PAGE5: variants seen among roughly 807,000 people sequenced by gnomAD.
The protein encoded by PAGE5 is P antigen family member 5.
PAGE5 carries 8 observed loss-of-function variants against 8.1 expected under a neutral mutation model. The observed-to-expected ratio is 0.98, with a 90% confidence interval of 0.58 to 1.77. The LOEUF (loss-of-function observed/expected upper bound fraction) is 1.77, where lower values mean the gene tolerates loss of function less well. Among genes scored for constraint, PAGE5 ranks in the 40% most tolerant of loss-of-function variants. PAGE5 has a pLI of 0.00. For missense variants in PAGE5, 64 were observed against 77.6 expected (o/e 0.82, Z 0.66); for synonymous variants, 30 against 27.0 (o/e 1.11, Z -0.35).
chrX:55,221,527 G>A, intron 2 of PAGE5, 64 bp downstream of exon 2: 9 of 1,092,410 alleles, frequency 8.2e-6, no homozygotes, highest in Admixed American at 2.3e-5. Flanking sequence ...ATTTTTGAGC[G>A]AGTGTACATG....
intron 1 of PAGE5, 37 bp from the exon 2 acceptor site, chrX:55,221,338 T>C (rs1401984030): frequency 8.7e-7 from 1 of 1,151,087 alleles, no homozygotes; most frequent in African/African-American, 1.8e-5. Context: ...GCTAAGTTCT[T>C]ACACACTTTT....
At chrX:55,220,595 T>C in intron 1 of PAGE5, 143 bp downstream of exon 1, 1 of 1,194,899 alleles carries the variant, frequency 8.4e-7, no homozygotes. Context: ...TTCCCCCAGG[T>C]CCTGATGCAG....
chrX:55,221,697 T>G (rs1937894017), intron 2 of PAGE5, 70 bp from the exon 3 acceptor site: 3 of 1,058,830 alleles, frequency 2.8e-6, no homozygotes, highest in South Asian at 2.0e-5. Context: ...AGATTTATGA[T>G]TCGATGCACA....
chrX:55,222,854 C>G, intron 4 of PAGE5, 108 bp downstream of exon 4: 1 of 962,902 alleles, frequency 1.0e-6, no homozygotes. Flanking sequence ...TACTTCACAT[C>G]TAAAGATTCT....
At chrX:55,221,562 A>T in intron 2 of PAGE5, 99 bp downstream of exon 2, 1 of 995,671 alleles carries the variant, frequency 1.0e-6, no homozygotes, top group Non-Finnish European at 1.4e-6. Context: ...TTCCATGCTA[A>T]TAAAAAATGA....
rs186395228 is a variant in PAGE5, at chrX:55,224,020, A to G, written c.*17A>G. The G allele has an allele frequency of 2.6e-3, 2,919 of 1,114,381 alleles. 2 individuals are homozygous for G. Among genetic ancestry groups the G allele is most frequent in the Non-Finnish European group, 3.2e-3 (2,653 of 831,258 alleles). 91.8% of individuals were successfully genotyped at this position (1,114,381 alleles called of 1,213,427 possible). A position where few individuals can be genotyped will look rare whatever the true frequency, so the allele number is the denominator to read the frequency against. On this transcript the variant is annotated 3_prime_UTR_variant, in exon 5 of 5. Transcript: ENST00000374955. ...CAACTATAGGTTTAAACCAAGACAA[A>G]TGAAGACTGAAACCAAGAATATTGT...
At position 55,222,718 on chromosome X, in the gene PAGE5, T is replaced by G; in HGVS notation, c.288T>G (p.Thr96=). The change falls in exon 4 of 5, where the codon ACT becomes ACG. Residue 96 remains threonine (T), a synonymous_variant. Coordinates refer to ENST00000374955, the MANE Select transcript of PAGE5 (RefSeq NM_001013435.3). Reference sequence around the variant, plus strand: ...ATGTCAGGGAGGGGACTCTGCCCACTTTTGATCCCACTAAAGTGCTGGAAG... The same window carrying G: ...ATGTCAGGGAGGGGACTCTGCCCACGTTTGATCCCACTAAAGTGCTGGAAG... ...GPDVREGTLP[T]FDPTKVLEAG... 1 of 1,210,987 alleles carries G rather than the reference T, an allele frequency of 8.3e-7. No homozygotes were observed. The highest frequency in any genetic ancestry group is 1.1e-6 in the Non-Finnish European group (1 of 894,744).
intron 1 of PAGE5, among the ~76,000 whole-genome samples, chrX:55,220,874 G>T (rs1464809775): frequency 9.0e-6 from 1 of 111,224 alleles, no homozygotes; most frequent in African/African-American, 3.3e-5. Flanking sequence ...TCTGTAGAGT[G>T]CCTGGCAGAG....
Position 55,221,621 on chromosome X carries a change from G to C in PAGE5, c.82-146G>C, listed in dbSNP as rs1490442871. 1.8e-5 allele frequency: 16 copies of C among 891,167 alleles called. No homozygotes were observed. The East Asian group carries it at 5.4e-4, about 30-fold the overall frequency. 73.4% of individuals were successfully genotyped at this position (891,167 alleles called of 1,213,427 possible). A position where few individuals can be genotyped will look rare whatever the true frequency, so the allele number is the denominator to read the frequency against. ...TTTGGTTCAGGAATATTATATTCTGGTGTTGCCTTATGGATATGGATATTT... is the reference window on the plus strand; with the variant it reads ...TTTGGTTCAGGAATATTATATTCTGCTGTTGCCTTATGGATATGGATATTT... On this transcript the variant is annotated intron_variant, in intron 2 of 4. Coordinates refer to ENST00000374955, the MANE Select transcript of PAGE5 (RefSeq NM_001013435.3).
At chrX:55,221,643 A>C in intron 2 of PAGE5, 124 bp from the exon 3 acceptor site, 1 of 924,708 alleles carries the variant, frequency 1.1e-6, no homozygotes, top group Non-Finnish European at 1.5e-6. Flanking sequence ...GGATATGGAT[A>C]TTTTACTCTC....
In PAGE5 at chrX:55,220,451, C is replaced by A; in HGVS notation, c.-10C>A. The A allele has an allele frequency of 3.8e-6, 2 of 531,785 alleles. No individual in the cohort carries two copies. The highest frequency in any genetic ancestry group is 6.6e-6 in the Non-Finnish European group (2 of 303,948). 43.8% of individuals were successfully genotyped at this position (531,785 alleles called of 1,213,427 possible). On this transcript the variant is annotated splice_region_variant and 5_prime_UTR_variant, in exon 1 of 5. Transcript: ENST00000374955. Reference sequence around the variant, plus strand: ...TCTTTCTCACTGACCGAGACTCAGCCGGTAGGTCTGCAGAGTGGTCTTCCT... The same window carrying A: ...TCTTTCTCACTGACCGAGACTCAGCAGGTAGGTCTGCAGAGTGGTCTTCCT...
chrX:55,221,068 C>T (rs1937885006), intron 1 of PAGE5, among the ~76,000 whole-genome samples: 1 of 110,639 alleles, frequency 9.0e-6, no homozygotes, highest in African/African-American at 3.3e-5. Context: ...ACTTCAGTTT[C>T]AATTTTCTGC....
intron 1 of PAGE5, chrX:55,220,733 A>G: frequency 1.1e-6 from 1 of 947,563 alleles, no homozygotes; most frequent in South Asian, 2.4e-5. Context: ...GAGTCCCGAA[A>G]ACGCCTGGAA....
At chrX:55,221,997 C>T in intron 3 of PAGE5, 122 bp downstream of exon 3, 2 of 790,198 alleles carry the variant, frequency 2.5e-6, no homozygotes, top group Non-Finnish European at 1.8e-6. Context: ...ACATTTCTTA[C>T]TGCTGCTGTG....
At chrX:55,221,526 C>G in intron 2 of PAGE5, 63 bp downstream of exon 2, 1 of 1,106,510 alleles carries the variant, frequency 9.0e-7, no homozygotes, top group Non-Finnish European at 1.2e-6. Context: ...TATTTTTGAG[C>G]GAGTGTACAT....
At chrX:55,222,362 T>G (rs904205249) in intron 3 of PAGE5, among the ~76,000 whole-genome samples, 1 of 112,098 alleles carries the variant, frequency 8.9e-6, no homozygotes, top group Non-Finnish European at 1.9e-5. Flanking sequence ...CTAGTCAGAC[T>G]GACTCAAACA....
chrX:55,221,659 A>C lies in PAGE5; in HGVS notation c.82-108A>C, dbSNP rs183237538. The C allele has an allele frequency of 7.7e-4, 707 of 913,670 alleles. 1 individual carries two copies. Among genetic ancestry groups the C allele is most frequent in the Middle Eastern group, 3.9e-3 (14 of 3,564 alleles). 75.3% of individuals were successfully genotyped at this position (913,670 alleles called of 1,213,427 possible). A position where few individuals can be genotyped will look rare whatever the true frequency, so the allele number is the denominator to read the frequency against. On this transcript the variant is annotated intron_variant, in intron 2 of 4. Transcript: ENST00000374955. ...GATATGGATATTTTACTCTCTCTCT[A>C]TATATATATCTATTGGAAAATGTCT...
rs1937890879 is a variant in PAGE5, at chrX:55,221,480, T to C, written c.81+17T>C. ...CCTGTGATTGTGAGTCCTTTAGCAT[T>C]TGATGTTTTCTATTAACACATTTTA... On this transcript the variant is annotated intron_variant, in intron 2 of 4. Transcript: ENST00000374955. 3.4e-6 allele frequency: 4 copies of C among 1,186,969 alleles called. No individual in the cohort carries two copies. The highest frequency in any genetic ancestry group is 3.5e-5 in the African/African-American group (2 of 56,580).
Position 55,221,859 on chromosome X carries a change from A to G in PAGE5, c.174A>G (p.Gly58=), listed in dbSNP as rs757894791. Residue 58 remains glycine, a synonymous_variant, in exon 3 of 5, where the codon GGA becomes GGG. Coordinates refer to ENST00000374955, the MANE Select transcript of PAGE5 (RefSeq NM_001013435.3). The stretch of plus-strand genomic sequence containing the variant: ...CTAGTGGGGAGATCAAAAATGAAGG[A>G]GCACCTGCTGTTCAAGGTGAAGGGA... ...IAPSGEIKNE[G]APAVQGTDVE... 7.5e-6 allele frequency: 9 copies of G among 1,203,732 alleles called. No individual in the cohort carries two copies. Among genetic ancestry groups the G allele is most frequent in the African/African-American group, 1.8e-5 (1 of 56,989 alleles).
Sources: gnomAD v4.1 joint callset for allele counts (sites outside exome capture counted in the v4.1 genomes callset) on GRCh38, gnomAD v4.1.1 for gene constraint, MANE v1.5 for transcripts, NCBI Gene and HGNC (gene_info 2026-07-23, HGNC 2026-07-21) for gene names.